Variants in B4GALT6 observed in about 807,000 individuals in gnomAD.
B4GALT6 encodes the protein UDP-Gal:beta-GlcNAc beta-1,4-galactosyltransferase 6.
In B4GALT6, 14 loss-of-function variants were observed where a neutral mutation model predicts 46.3. The observed-to-expected ratio is 0.30, with a 90% CI of 0.20 to 0.47. The LOEUF is 0.47. B4GALT6 is among the 20% of genes least tolerant of loss of function. The pLI is 0.99. For missense variants in B4GALT6, 386 were observed against 480.1 expected (o/e 0.80, Z 1.83); for synonymous variants, 168 against 162.0 (o/e 1.04, Z -0.28).
chr18:31,681,156 G>A (rs549831843), intron 1 of B4GALT6, among the ~76,000 whole-genome samples: 3 of 152,262 alleles, frequency 2.0e-5, no homozygotes. Context: ...TCCTATTGTT[G>A]AATGAACTTG....
Position 31,627,134 on chromosome 18 carries a change from G to C in B4GALT6, c.777-13C>G. On this transcript the variant is annotated splice_polypyrimidine_tract_variant and intron_variant, in intron 6 of 8. Coordinates refer to ENST00000306851, the MANE Select transcript of B4GALT6 (RefSeq NM_004775.5). ...TTTATATGGAAGACTAGAAAAGAAA[G>C]ACACAGTATTCTAAAAATAAAATCA... 1 of 1,579,316 alleles carries C rather than the reference G, an allele frequency of 6.3e-7. No homozygotes were observed.
upstream of B4GALT6, among the ~76,000 whole-genome samples, chr18:31,685,067 T>C (rs2074530319): frequency 6.9e-6 from 1 of 145,806 alleles, no homozygotes; most frequent in African/African-American, 2.5e-5. Context: ...GGCGCTCGCC[T>C]GCACCGAGCC....
chr18:31,629,221 A>G (rs997790275), intron 6 of B4GALT6, among the ~76,000 whole-genome samples: 7 of 152,188 alleles, frequency 4.6e-5, no homozygotes, highest in Non-Finnish European at 8.8e-5. Context: ...ACAGTAGGCT[A>G]TTAGTAGTTA....
chr18:31,718,344 A>G, the B4GALT6 span, among the ~76,000 whole-genome samples: 1 of 152,224 alleles, frequency 6.6e-6, no homozygotes, highest in Non-Finnish European at 1.5e-5. Context: ...CATCTGTACT[A>G]AAATGTTTAT....
chr18:31,697,701 G>A, the B4GALT6 span, among the ~76,000 whole-genome samples: 1 of 152,154 alleles, frequency 6.6e-6, no homozygotes, highest in Non-Finnish European at 1.5e-5. Flanking sequence ...TCACATGGAT[G>A]AGGGGGCTAG....
Position 31,684,513 on chromosome 18 carries a change from TGAG to T in B4GALT6, c.-90_-88del. On this transcript the variant is annotated 5_prime_UTR_variant, in exon 1 of 9. Coordinates refer to ENST00000306851, the MANE Select transcript of B4GALT6 (RefSeq NM_004775.5). ...AGGCCCTAAACTTCCATAAATGTGCTGAGAACCCCGAGACTGCAGCGGGGTCCG... is the reference window on the plus strand; with the variant it reads ...AGGCCCTAAACTTCCATAAATGTGCTAACCCCGAGACTGCAGCGGGGTCCG... 3 of 1,542,554 alleles carry T rather than the reference TGAG, an allele frequency of 1.9e-6. No individual in the cohort carries two copies. The highest frequency in any genetic ancestry group is 2.6e-6 in the Non-Finnish European group (3 of 1,144,792).
At chr18:31,634,666 A>C (rs932915796) in intron 5 of B4GALT6, among the ~76,000 whole-genome samples, 6 of 152,168 alleles carry the variant, frequency 3.9e-5, no homozygotes, top group African/African-American at 1.4e-4. Context: ...ACCCATGTCC[A>C]TCCTCTATAT....
the B4GALT6 span, among the ~76,000 whole-genome samples, chr18:31,710,315 T>C: frequency 6.6e-6 from 1 of 152,166 alleles, no homozygotes; most frequent in African/African-American, 2.4e-5. Flanking sequence ...TGATATCGGC[T>C]AGATTTCTGC....
chr18:31,705,936 AT>A, the B4GALT6 span, among the ~76,000 whole-genome samples: 1 of 152,150 alleles, frequency 6.6e-6, no homozygotes, highest in Non-Finnish European at 1.5e-5. Context: ...CCAGTTTGTC[AT>A]TTTGCTGATT....
chr18:31,629,535 T>G (rs1190883984), intron 6 of B4GALT6, among the ~76,000 whole-genome samples: 1 of 123,526 alleles, frequency 8.1e-6, no homozygotes, highest in East Asian at 2.9e-4. Context: ...CTGACTGAAA[T>G]CAAGTTTCCA....
Position 31,664,021 on chromosome 18 carries a change from T to C in B4GALT6, c.232+2235A>G, listed in dbSNP as rs866746849. Among the ~76,000 whole-genome samples the C allele has an allele frequency of 9.8e-5, 15 of 152,368 alleles. No homozygotes were observed. The South Asian group carries it at 1.2e-3, about 13-fold the overall frequency. ...GACTATATTTCCCAGTGTTATCGCA[T>C]GTGGCCATGCAATTAAGTTCTAGCC... On this transcript the variant is annotated intron_variant, in intron 2 of 8. Coordinates refer to ENST00000306851, the MANE Select transcript of B4GALT6 (RefSeq NM_004775.5).
At chr18:31,714,570 C>G in the B4GALT6 span, among the ~76,000 whole-genome samples, 1 of 152,210 alleles carries the variant, frequency 6.6e-6, no homozygotes, top group African/African-American at 2.4e-5. Context: ...ACCACCCTCC[C>G]CTCTCTACAG....
At chr18:31,626,933 C>T (rs947385844) in intron 7 of B4GALT6, 66 bp downstream of exon 7, 5 of 1,396,874 alleles carry the variant, frequency 3.6e-6, no homozygotes, top group Admixed American at 4.0e-5. Flanking sequence ...ATAAGTACTA[C>T]AATTTACCTA....
At chr18:31,696,434 T>C in the B4GALT6 span, among the ~76,000 whole-genome samples, 2 of 152,252 alleles carry the variant, frequency 1.3e-5, no homozygotes, top group Non-Finnish European at 2.9e-5. Context: ...CTTTGATTTA[T>C]CAAGTTTTAC....
At chr18:31,714,949 A>G in the B4GALT6 span, among the ~76,000 whole-genome samples, 3 of 152,224 alleles carry the variant, frequency 2.0e-5, no homozygotes, top group African/African-American at 7.2e-5. Context: ...AACAAGTGAA[A>G]ATACAAGATT....
intron 1 of B4GALT6, among the ~76,000 whole-genome samples, chr18:31,673,703 T>C (rs2074383524): frequency 6.6e-6 from 1 of 152,174 alleles, no homozygotes; most frequent in East Asian, 1.9e-4. Context: ...CCTTTAATTC[T>C]TACAACCACC....
chr18:31,711,804 C>G, the B4GALT6 span, among the ~76,000 whole-genome samples: 1 of 152,184 alleles, frequency 6.6e-6, no homozygotes, highest in South Asian at 2.1e-4. Context: ...AACATGCAGG[C>G]TCCTTATCCC....
chr18:31,700,308 T>C, the B4GALT6 span, among the ~76,000 whole-genome samples: 3 of 152,262 alleles, frequency 2.0e-5, no homozygotes, highest in East Asian at 5.8e-4. Flanking sequence ...AAGAATAAGA[T>C]ATAGAGGAAG....
the B4GALT6 span, among the ~76,000 whole-genome samples, chr18:31,701,540 A>G: frequency 6.6e-6 from 1 of 152,206 alleles, no homozygotes; most frequent in Non-Finnish European, 1.5e-5. Flanking sequence ...GGGAAACATA[A>G]TAATAGTCAT....
Sources: allele counts gnomAD v4.1 joint callset (sites outside exome capture counted in the v4.1 genomes callset), GRCh38; gene constraint gnomAD v4.1.1; transcripts MANE v1.5; gene names NCBI Gene and HGNC (gene_info 2026-07-23, HGNC 2026-07-21).